The following SIL1 variants were observed in gnomAD, a reference collection of about 807,000 sequenced individuals.
The protein encoded by SIL1 is nucleotide exchange factor SIL1.
SIL1 carries 40 observed loss-of-function variants against 49.1 expected under a neutral mutation model. The ratio of observed to expected loss-of-function variants is 0.81; its 90% confidence interval spans 0.63 to 1.06. The LOEUF is 1.06. Ranked by LOEUF, SIL1 falls within the 50% of genes least tolerant of loss-of-function variation. SIL1 has a pLI of 0.00. For missense variants in SIL1, 500 were observed against 572.6 expected, an observed-to-expected ratio of 0.87 and a Z score of 1.29; for synonymous variants, 253 against 250.8, an observed-to-expected ratio of 1.01 and a Z score of -0.08.
chr5:139,018,328 G>C (rs1172593623), intron 7 of SIL1, among the ~76,000 whole-genome samples: 2 of 152,158 alleles, frequency 1.3e-5, no homozygotes, highest in East Asian at 3.8e-4. Context: ...GGACATGGTG[G>C]CTCATGCCTA....
chr5:139,120,859 G>T (rs1222294101), intron 3 of SIL1, among the ~76,000 whole-genome samples, 176 bp downstream of exon 3: 2 of 152,182 alleles, frequency 1.3e-5, no homozygotes, highest in Non-Finnish European at 2.9e-5. Flanking sequence ...TCTCTGTTCT[G>T]CTGGAAAACG....
At chr5:139,160,181 AC>A (rs1751484427) in intron 1 of SIL1, among the ~76,000 whole-genome samples, 4 of 135,392 alleles carry the variant, frequency 3.0e-5, no homozygotes, top group African/African-American at 5.0e-5. Context: ...ACACACACAC[AC>A]ACACAAAAGT....
At chr5:138,976,318 T>TC (rs1384436523) in intron 7 of SIL1, among the ~76,000 whole-genome samples, 2 of 150,274 alleles carry the variant, frequency 1.3e-5, no homozygotes, top group East Asian at 3.9e-4. Context: ...CTCTTTTTTT[T>TC]TTTTTTTTTT....
intron 1 of SIL1, among the ~76,000 whole-genome samples, chr5:139,175,189 G>A (rs908273997): frequency 2.0e-5 from 3 of 152,080 alleles, no homozygotes; most frequent in African/African-American, 7.2e-5. Context: ...TGGCATGGTG[G>A]CACGCGCCTG....
chr5:139,015,162 CT>C (rs536463782), intron 7 of SIL1, among the ~76,000 whole-genome samples: 44 of 152,258 alleles, frequency 2.9e-4, no homozygotes, highest in African/African-American at 9.1e-4. Flanking sequence ...TAATTATTTC[CT>C]GAGCACCCAC....
At chr5:138,994,745 T>C (rs1014229106) in intron 7 of SIL1, among the ~76,000 whole-genome samples, 1 of 152,176 alleles carries the variant, frequency 6.6e-6, no homozygotes, top group African/African-American at 2.4e-5. Flanking sequence ...GACATGCAAG[T>C]TTGTTACATG....
At chr5:139,111,838 C>T (rs1770846332) in intron 3 of SIL1, among the ~76,000 whole-genome samples, 1 of 152,074 alleles carries the variant, frequency 6.6e-6, no homozygotes, top group Admixed American at 6.6e-5. Flanking sequence ...TCTCCCCTCT[C>T]CCCACTCCCC....
intron 7 of SIL1, among the ~76,000 whole-genome samples, chr5:138,954,331 G>T (rs1452100172): frequency 2.0e-5 from 3 of 152,252 alleles, no homozygotes; most frequent in African/African-American, 7.2e-5. Flanking sequence ...CAGGACCATG[G>T]GCCAAACATG....
At chr5:139,148,387 G>A (rs887806483) in intron 1 of SIL1, among the ~76,000 whole-genome samples, 1 of 152,120 alleles carries the variant, frequency 6.6e-6, no homozygotes, top group Non-Finnish European at 1.5e-5. Flanking sequence ...GGTTCCAGTG[G>A]GTGAGCTTGT....
intron 1 of SIL1, chr5:139,187,972 C>T (rs566328447): frequency 3.3e-5 from 5 of 153,072 alleles, no homozygotes; most frequent in African/African-American, 9.6e-5. Flanking sequence ...CTGCTCCAGA[C>T]ATGTAAGACG....
chr5:139,017,231 T>C (rs1428783713), intron 7 of SIL1: 2 of 150,910 alleles, frequency 1.3e-5, no homozygotes, highest in African/African-American at 4.9e-5. Flanking sequence ...AAGCATGAGG[T>C]GAGAGGGGAC....
chr5:139,066,503 G>A (rs77306763), intron 3 of SIL1, among the ~76,000 whole-genome samples: 7,475 of 151,324 alleles, frequency 0.049, 284 homozygotes, highest in Non-Finnish European at 0.07. Flanking sequence ...ACAACTCCAT[G>A]CAGTTTTATA....
intron 7 of SIL1, among the ~76,000 whole-genome samples, chr5:138,974,601 A>G (rs1767353970): frequency 6.6e-6 from 1 of 152,208 alleles, no homozygotes. Flanking sequence ...CCAAACTTCT[A>G]TTTGTAGTTC....
intron 5 of SIL1, among the ~76,000 whole-genome samples, chr5:139,041,821 A>AC (rs200735878): frequency 3.9e-4 from 59 of 151,076 alleles, no homozygotes; most frequent in East Asian, 7.7e-4. Flanking sequence ...TCAAAAACAA[A>AC]AAAAAAAAAA....
At chr5:139,154,423 C>T (rs1751368579) in intron 1 of SIL1, among the ~76,000 whole-genome samples, 1 of 152,244 alleles carries the variant, frequency 6.6e-6, no homozygotes, top group African/African-American at 2.4e-5. Context: ...TTCAGTCTCT[C>T]TGAATGCTAA....
chr5:138,947,975 G>A lies in SIL1; in HGVS notation c.1030-502C>T, dbSNP rs1457378653. Among the ~76,000 whole-genome samples the A allele has an allele frequency of 6.6e-6, 1 of 152,080 alleles. No homozygotes were observed. The highest frequency in any genetic ancestry group is 6.6e-5 in the Admixed American group (1 of 15,260). On this transcript the variant is annotated intron_variant, in intron 9 of 9. Transcript: ENST00000394817. The surrounding 1 kb of genome is among the most constrained non-coding windows in gnomAD (Gnocchi z 4.1). Reference sequence around the variant, plus strand: ...GAACATGGTGGGAGCCAATCCTGCCGGGCTACCAGCAGCGGGAAAGCCAAC... The same window carrying A: ...GAACATGGTGGGAGCCAATCCTGCCAGGCTACCAGCAGCGGGAAAGCCAAC...
intron 1 of SIL1, among the ~76,000 whole-genome samples, chr5:139,169,906 T>A (rs1003711904): frequency 1.3e-5 from 2 of 151,970 alleles, no homozygotes; most frequent in Non-Finnish European, 1.5e-5. Flanking sequence ...ACAGTCTCCC[T>A]CTGATGCCGA....
chr5:139,129,152 G>C (rs1457181693), intron 1 of SIL1, among the ~76,000 whole-genome samples: 1 of 152,044 alleles, frequency 6.6e-6, no homozygotes, highest in African/African-American at 2.4e-5. Flanking sequence ...ATCTAAGAAA[G>C]TAAAAGAAGA....
intron 7 of SIL1, among the ~76,000 whole-genome samples, chr5:138,976,840 TAAA>T (rs962995234): frequency 6.6e-6 from 1 of 150,766 alleles, no homozygotes; most frequent in Admixed American, 6.6e-5. Flanking sequence ...TATATGAAAT[TAAA>T]AAAAAAATTT....
Sources: gnomAD v4.1 joint callset for allele counts (sites outside exome capture counted in the v4.1 genomes callset) on GRCh38, gnomAD v4.1.1 for gene constraint, Gnocchi (gnomAD v3.1) non-coding constraint, MANE v1.5 for transcripts, NCBI Gene and HGNC (gene_info 2026-07-23, HGNC 2026-07-21) for gene names.